Variants in CAMK2D observed in about 807,000 individuals in gnomAD.
CAMK2D encodes calcium/calmodulin-dependent protein kinase type II subunit delta.
CAMK2D carries 37 observed loss-of-function variants against 84.0 expected under a neutral mutation model. The observed-to-expected ratio is 0.44, with a 90% CI of 0.34 to 0.58. The LOEUF (loss-of-function observed/expected upper bound fraction) is 0.58. CAMK2D is among the 20% of genes least tolerant of loss of function. The pLI is 0.02. For synonymous variants in CAMK2D, 202 were observed against 212.5 expected (o/e 0.95, Z 0.43); for missense variants, 448 against 652.5 (o/e 0.69, Z 3.41).
At chr4:113,469,608 A>G (rs1383286948) in intron 16 of CAMK2D, among the ~76,000 whole-genome samples, 2 of 152,142 alleles carry the variant, frequency 1.3e-5, no homozygotes, top group African/African-American at 2.4e-5. Context: ...CTTCAGATCT[A>G]TGTGTCAAGG....
intron 2 of CAMK2D, among the ~76,000 whole-genome samples, chr4:113,758,913 T>C (rs1362240272): frequency 6.6e-6 from 1 of 152,196 alleles, no homozygotes; most frequent in Non-Finnish European, 1.5e-5. Context: ...AATTGAAATG[T>C]ATGATTCAAC....
intron 2 of CAMK2D, among the ~76,000 whole-genome samples, chr4:113,728,036 T>A (rs1269252398): frequency 2.0e-5 from 3 of 152,132 alleles, no homozygotes; most frequent in Non-Finnish European, 2.9e-5. Context: ...TATACAGCAA[T>A]TGCAATTCCC....
At chr4:113,699,913 A>T (rs1004993825) in intron 2 of CAMK2D, among the ~76,000 whole-genome samples, 4 of 152,188 alleles carry the variant, frequency 2.6e-5, no homozygotes, top group Non-Finnish European at 5.9e-5. Context: ...AGGAATTATG[A>T]GTCATGTTAA....
chr4:113,455,150 A>G (rs1412088781), intron 20 of CAMK2D, among the ~76,000 whole-genome samples: 1 of 152,224 alleles, frequency 6.6e-6, no homozygotes, highest in Admixed American at 6.5e-5. Flanking sequence ...CAATTAATTA[A>G]AAACAACAAC....
chr4:113,651,479 T>C (rs1413634946), intron 3 of CAMK2D, among the ~76,000 whole-genome samples: 1 of 152,158 alleles, frequency 6.6e-6, no homozygotes, highest in Non-Finnish European at 1.5e-5. Flanking sequence ...CAAAAAGAAA[T>C]GCTATAATTG....
chr4:113,556,655 G>A (rs546454155), intron 4 of CAMK2D, among the ~76,000 whole-genome samples: 1 of 152,258 alleles, frequency 6.6e-6, no homozygotes, highest in Admixed American at 6.5e-5. Context: ...GTGCCAACCA[G>A]TGTGCCAAGT....
At chr4:113,542,298 C>A (rs1318925525) in intron 6 of CAMK2D, among the ~76,000 whole-genome samples, 1 of 152,192 alleles carries the variant, frequency 6.6e-6, no homozygotes, top group Non-Finnish European at 1.5e-5. Flanking sequence ...AATATACATA[C>A]ACAGATGATG....
At chr4:113,760,528 G>A (rs1444687473) in intron 1 of CAMK2D, among the ~76,000 whole-genome samples, 1 of 152,100 alleles carries the variant, frequency 6.6e-6, no homozygotes, top group Non-Finnish European at 1.5e-5. Context: ...AATAAATATG[G>A]CACCGTCTGA....
At chr4:113,751,785 A>ATAAT (rs1022250040) in intron 2 of CAMK2D, among the ~76,000 whole-genome samples, 1 of 152,126 alleles carries the variant, frequency 6.6e-6, no homozygotes, top group African/African-American at 2.4e-5. Context: ...AAATAAATAA[A>ATAAT]TAATTTTAAA....
intron 16 of CAMK2D, among the ~76,000 whole-genome samples, chr4:113,489,151 T>TTA (rs1002073011): frequency 6.6e-6 from 1 of 151,822 alleles, no homozygotes; most frequent in African/African-American, 2.4e-5. Context: ...CTTTTTTTTT[T>TTA]ATTATACTTT....
intron 2 of CAMK2D, among the ~76,000 whole-genome samples, chr4:113,713,041 TATAA>T (rs2099499120): frequency 6.6e-6 from 1 of 152,072 alleles, no homozygotes; most frequent in African/African-American, 2.4e-5. Flanking sequence ...ACCATGTTGA[TATAA>T]ATAAATAAAT....
chr4:113,498,964 A>C (rs2097987175), intron 16 of CAMK2D, among the ~76,000 whole-genome samples: 1 of 152,146 alleles, frequency 6.6e-6, no homozygotes, highest in African/African-American at 2.4e-5. Context: ...GTATTCTCCT[A>C]ATTTTATTTG....
chr4:113,568,100 C>T (rs1288564267), intron 4 of CAMK2D, among the ~76,000 whole-genome samples: 1 of 152,074 alleles, frequency 6.6e-6, no homozygotes, highest in African/African-American at 2.4e-5. Flanking sequence ...TGGCAAAATA[C>T]ACACACGATG....
At chr4:113,502,308 T>A (rs1308445795) in intron 15 of CAMK2D, among the ~76,000 whole-genome samples, 1 of 151,880 alleles carries the variant, frequency 6.6e-6, no homozygotes, top group East Asian at 1.9e-4. Flanking sequence ...AAACCCCTGT[T>A]ACTGGAATAT....
Position 113,454,444 on chromosome 4 carries a change from G to C in CAMK2D, c.*101C>G. 1.3e-6 allele frequency: 1 copy of C among 773,326 alleles called. No homozygotes were observed. Among genetic ancestry groups the C allele is most frequent in the Non-Finnish European group, 2.4e-6 (1 of 413,888 alleles). 47.9% of individuals were successfully genotyped at this position (773,326 alleles called of 1,614,324 possible). ...TCAGAAACATGCATGAAGAGGAGGA[G>C]AGGACGGCCCAGGGTCACCATCCAG... On this transcript the variant is annotated 3_prime_UTR_variant, in exon 21 of 21. Transcript: ENST00000511664.
In CAMK2D at chr4:113,602,862, C is replaced by T. The variant is rs150815524; in HGVS notation, c.275+6290G>A. Among the ~76,000 whole-genome samples the T allele has an allele frequency of 2.1e-3, 316 of 152,276 alleles. 3 individuals carry two copies. Among genetic ancestry groups the T allele is most frequent in the Non-Finnish European group, 3.7e-3 (253 of 68,006 alleles). On this transcript the variant is annotated intron_variant, in intron 4 of 20. Transcript: ENST00000511664. ...GGGGTCCCAGCCGATAAACCTAAAA[C>T]GGGTAGAGGGAAAACAATTTTTCAA...
At chr4:113,479,988 G>A (rs1286582447) in intron 16 of CAMK2D, among the ~76,000 whole-genome samples, 3 of 152,154 alleles carry the variant, frequency 2.0e-5, no homozygotes, top group Non-Finnish European at 4.4e-5. Flanking sequence ...TAGAGATGGA[G>A]TCTAACTCTG....
At chr4:113,641,318 A>G (rs1046773630) in intron 3 of CAMK2D, among the ~76,000 whole-genome samples, 1 of 152,192 alleles carries the variant, frequency 6.6e-6, no homozygotes, top group East Asian at 1.9e-4. Context: ...AGTCAAATTA[A>G]TATATCTATT....
chr4:113,692,571 C>G (rs1243172238), intron 2 of CAMK2D, among the ~76,000 whole-genome samples: 1 of 151,840 alleles, frequency 6.6e-6, no homozygotes, highest in South Asian at 2.1e-4. Context: ...TATAGTCATA[C>G]ATACATATAT....
Sources: allele counts gnomAD v4.1 joint callset (sites outside exome capture counted in the v4.1 genomes callset), GRCh38; gene constraint gnomAD v4.1.1; transcripts MANE v1.5; gene names NCBI Gene and HGNC (gene_info 2026-07-23, HGNC 2026-07-21).